The following TMEM163 variants were observed in gnomAD, a reference collection of about 807,000 sequenced individuals.
The protein encoded by TMEM163 is transmembrane protein 163.
A neutral mutation model predicts 29.3 loss-of-function variants in TMEM163; 17 were observed. The ratio of observed to expected loss-of-function variants is 0.58; its 90% CI spans 0.40 to 0.87. TMEM163 has a LOEUF of 0.87. Among genes scored for constraint, TMEM163 ranks in the 40% least tolerant of loss-of-function variants. TMEM163 has a pLI of 0.00. For synonymous variants in TMEM163, 157 were observed against 160.6 expected (o/e 0.98, Z 0.17); for missense variants, 303 against 381.5 (o/e 0.79, Z 1.71).
chr2:134,556,899 C>T, intron 2 of TMEM163, among the ~76,000 whole-genome samples: 1 of 152,108 alleles, frequency 6.6e-6, no homozygotes, highest in Non-Finnish European at 1.5e-5. Flanking sequence ...TGATAATAAA[C>T]AGATAGGTTG....
chr2:134,507,608 G>A (rs1299363740), intron 4 of TMEM163, among the ~76,000 whole-genome samples: 2 of 152,180 alleles, frequency 1.3e-5, no homozygotes, highest in African/African-American at 4.8e-5. Context: ...GCTCACACCT[G>A]TAATTCTAGC....
At chr2:134,477,272 C>G (rs1207679856) in intron 5 of TMEM163, among the ~76,000 whole-genome samples, 5 of 152,214 alleles carry the variant, frequency 3.3e-5, no homozygotes, top group Admixed American at 2.0e-4. Context: ...TGCCATTTTA[C>G]TCTCAAGGAA....
rs147104997 is a variant in TMEM163 at position 134,602,658 on chromosome 2, T to G, written c.323-50567A>C. Among the ~76,000 whole-genome samples the G allele has an allele frequency of 3.3e-5, 5 of 152,258 alleles. No homozygotes were observed. In the East Asian group the frequency reaches 9.7e-4, roughly 29 times the overall value. On this transcript the variant is annotated intron_variant, in intron 2 of 7. Coordinates refer to ENST00000281924, the MANE Select transcript of TMEM163 (RefSeq NM_030923.5). ...GGGATCATTCCTCTTTTGAAACCAC[T>G]TTAAAAGGAGAATGAAAATGTCCTG... is the stretch of plus-strand genomic sequence containing the variant.
intron 4 of TMEM163, among the ~76,000 whole-genome samples, chr2:134,506,922 A>G (rs996884018): frequency 6.6e-6 from 1 of 152,202 alleles, no homozygotes; most frequent in Non-Finnish European, 1.5e-5. Context: ...CCAGGTCACT[A>G]AAAAGAATAT....
At chr2:134,676,833 G>A (rs370467080) in intron 2 of TMEM163, among the ~76,000 whole-genome samples, 2 of 152,080 alleles carry the variant, frequency 1.3e-5, no homozygotes, top group Admixed American at 6.5e-5. Context: ...AAATATTTGA[G>A]ACGAACAGAC....
chr2:134,559,612 C>A (rs1035746062), intron 2 of TMEM163, among the ~76,000 whole-genome samples: 2 of 152,068 alleles, frequency 1.3e-5, no homozygotes, highest in Non-Finnish European at 2.9e-5. Context: ...TCAGGCAAAC[C>A]CTTGCCAAGA....
At chr2:134,666,514 A>G (rs1574323933) in intron 2 of TMEM163, among the ~76,000 whole-genome samples, 1 of 152,148 alleles carries the variant, frequency 6.6e-6, no homozygotes, top group Non-Finnish European at 1.5e-5. Flanking sequence ...CACCTTCAGC[A>G]CAGCCATGAT....
At chr2:134,570,765 CCT>C (rs1390563889) in intron 2 of TMEM163, among the ~76,000 whole-genome samples, 1 of 152,076 alleles carries the variant, frequency 6.6e-6, no homozygotes, top group Non-Finnish European at 1.5e-5. Flanking sequence ...GTCTTCCTCC[CCT>C]GATACTGTAA....
At chr2:134,544,246 C>T (rs927131994) in intron 4 of TMEM163, among the ~76,000 whole-genome samples, 14 of 152,280 alleles carry the variant, frequency 9.2e-5, no homozygotes, top group African/African-American at 2.9e-4. Flanking sequence ...AGGACAGACA[C>T]GAAATTCCAT....
chr2:134,632,327 C>T (rs1056744064), intron 2 of TMEM163, among the ~76,000 whole-genome samples: 1 of 152,174 alleles, frequency 6.6e-6, no homozygotes, highest in Non-Finnish European at 1.5e-5. Flanking sequence ...CCAGTAGGAA[C>T]AACTGGGCTT....
intron 4 of TMEM163, among the ~76,000 whole-genome samples, chr2:134,544,386 C>T (rs1680736314): frequency 6.6e-6 from 1 of 152,198 alleles, no homozygotes; most frequent in Non-Finnish European, 1.5e-5. Flanking sequence ...TTTTAAAGAA[C>T]TTTCATCTGT....
intron 4 of TMEM163, among the ~76,000 whole-genome samples, chr2:134,546,007 A>T (rs1404974523): frequency 6.6e-6 from 1 of 152,130 alleles, no homozygotes; most frequent in Non-Finnish European, 1.5e-5. Context: ...CCTGTTGAAA[A>T]TCCTGGCCAT....
At chr2:134,684,739 C>T (rs546244814) in intron 2 of TMEM163, among the ~76,000 whole-genome samples, 4 of 152,076 alleles carry the variant, frequency 2.6e-5, no homozygotes, top group Admixed American at 1.3e-4. Context: ...TCCTGGCCAA[C>T]ATGGTGAAAC....
chr2:134,545,965 C>T (rs1297441867), intron 4 of TMEM163, among the ~76,000 whole-genome samples: 1 of 152,180 alleles, frequency 6.6e-6, no homozygotes, highest in Non-Finnish European at 1.5e-5. Context: ...TGCTTGTAAA[C>T]ATAACTTTCC....
chr2:134,706,798 A>T (rs993725727), intron 2 of TMEM163, among the ~76,000 whole-genome samples: 7 of 152,114 alleles, frequency 4.6e-5, no homozygotes. Flanking sequence ...GAAGGGGACA[A>T]GATCATGAGG....
At chr2:134,714,606 G>A (rs796480486) in intron 1 of TMEM163, among the ~76,000 whole-genome samples, 1 of 152,178 alleles carries the variant, frequency 6.6e-6, no homozygotes, top group East Asian at 1.9e-4. Flanking sequence ...AAGCCAGAAT[G>A]TCAAGAAGGT....
At chr2:134,625,711 A>G (rs1682834393) in intron 2 of TMEM163, among the ~76,000 whole-genome samples, 1 of 152,356 alleles carries the variant, frequency 6.6e-6, no homozygotes, top group African/African-American at 2.4e-5. Context: ...ATTCCTGAAT[A>G]GTGACATAAA....
At chr2:134,531,260 G>C (rs535235346) in intron 4 of TMEM163, among the ~76,000 whole-genome samples, 1 of 152,304 alleles carries the variant, frequency 6.6e-6, no homozygotes, top group South Asian at 2.1e-4. Context: ...CCAAACTCAA[G>C]ATATTTTTCT....
intron 2 of TMEM163, among the ~76,000 whole-genome samples, chr2:134,663,870 A>G (rs530367095): frequency 1.3e-5 from 2 of 152,304 alleles, no homozygotes; most frequent in East Asian, 3.9e-4. Context: ...AAAAGCTACC[A>G]CTGAAGCCTT....
Sources: allele counts gnomAD v4.1 joint callset (sites outside exome capture counted in the v4.1 genomes callset), GRCh38; gene constraint gnomAD v4.1.1; transcripts MANE v1.5; gene names NCBI Gene and HGNC (gene_info 2026-07-23, HGNC 2026-07-21).